The following MYO1H variants were observed in gnomAD, a reference collection of about 807,000 sequenced individuals.
MYO1H encodes the protein myosin IH.
MYO1H carries 118 observed loss-of-function variants against 149.3 expected under a neutral mutation model. The ratio of observed to expected loss-of-function variants is 0.79; its 90% CI spans 0.68 to 0.92. The LOEUF (loss-of-function observed/expected upper bound fraction) is 0.92. MYO1H is among the 40% of genes least tolerant of loss of function. The probability of loss-of-function intolerance (pLI) is 0.00; values close to 1 mark genes in which losing one functional copy is unlikely to be tolerated. For missense variants in MYO1H, 1,212 were observed against 1,280.7 expected (o/e 0.95, Z 0.82); for synonymous variants, 447 against 465.2 (o/e 0.96, Z 0.50).
chr12:109,410,486 T>C (rs1402663136), intron 12 of MYO1H, among the ~76,000 whole-genome samples: 1 of 152,242 alleles, frequency 6.6e-6, no homozygotes, highest in East Asian at 1.9e-4. Context: ...GAGATATTCC[T>C]GATTAGTACT....
At chr12:109,385,151 GA>G (rs1213327184) in intron 1 of MYO1H, among the ~76,000 whole-genome samples, 1 of 152,182 alleles carries the variant, frequency 6.6e-6, no homozygotes, top group Non-Finnish European at 1.5e-5. Context: ...ACTCTCCCAA[GA>G]TTATACTGCC....
chr12:109,435,171 T>TG, intron 21 of MYO1H, 58 bp downstream of exon 21: 3 of 1,211,594 alleles, frequency 2.5e-6, no homozygotes, highest in Non-Finnish European at 3.6e-6. Flanking sequence ...AAGTGGAGCT[T>TG]GGGGGTAAAT....
chr12:109,388,817 C>T (rs1215694252), exon 2 of MYO1H: 2 of 1,612,828 alleles, frequency 1.2e-6, no homozygotes, highest in Admixed American at 1.7e-5. Context: ...ACAACCTCCG[C>T]AAGCGTTTCA....
At chr12:109,397,613 C>A in intron 4 of MYO1H, 119 bp from the exon 5 acceptor site, 1 of 641,270 alleles carries the variant, frequency 1.6e-6, no homozygotes, top group Non-Finnish European at 2.5e-6. Context: ...GCATGCCTTT[C>A]CTCCCTGGCT....
chr12:109,361,632 C>T (rs927521759), intron 1 of MYO1H, among the ~76,000 whole-genome samples: 3 of 151,904 alleles, frequency 2.0e-5, no homozygotes, highest in African/African-American at 7.3e-5. Flanking sequence ...ATGGCAAAAC[C>T]CTGTCTCTAT....
At chr12:109,365,761 A>G (rs965821276) in intron 1 of MYO1H, among the ~76,000 whole-genome samples, 15 of 152,298 alleles carry the variant, frequency 9.8e-5, no homozygotes, top group Admixed American at 8.5e-4. Context: ...AGGCTGCATG[A>G]TGGAACGGGA....
At chr12:109,321,828 G>A in the MYO1H span, among the ~76,000 whole-genome samples, 1 of 152,230 alleles carries the variant, frequency 6.6e-6, no homozygotes, top group Admixed American at 6.5e-5. Context: ...AGGGAAAATT[G>A]TAATGCACTT....
chr12:109,432,816 C>A, intron 19 of MYO1H, 81 bp from the exon 20 acceptor site: 2 of 1,156,266 alleles, frequency 1.7e-6, no homozygotes, highest in Non-Finnish European at 2.6e-6. Context: ...CAGTGCTCAG[C>A]AGGCCTCTGG....
chr12:109,419,873 T>TA lies in MYO1H; in HGVS notation c.1598-1091dup, dbSNP rs10533849. ...ACCATGCTTGGCTGCTCCCCCAACT[T>TA]AAAAAAAAAAAAAAAAATCTGGTTT... On this transcript the variant is annotated intron_variant, in intron 15 of 31. Transcript: ENST00000310903. Among the ~76,000 whole-genome samples the TA allele has an allele frequency of 3.6e-3, 522 of 145,284 alleles. 7 individuals are homozygous for TA. The highest frequency in any genetic ancestry group is 9.9e-3 in the East Asian group (49 of 4,940).
the MYO1H span, among the ~76,000 whole-genome samples, chr12:109,335,433 C>A: frequency 6.6e-6 from 1 of 152,142 alleles, no homozygotes; most frequent in South Asian, 2.1e-4. Flanking sequence ...AACCATCTCC[C>A]ACCAGGCCCC....
intron 3 of MYO1H, 107 bp downstream of exon 3, chr12:109,393,553 A>G: frequency 1.5e-6 from 1 of 653,324 alleles, no homozygotes; most frequent in Non-Finnish European, 2.7e-6. Flanking sequence ...CCATCCATCC[A>G]TCCATCCATC....
At chr12:109,370,270 C>T (rs1006359793) in intron 1 of MYO1H, among the ~76,000 whole-genome samples, 2 of 152,206 alleles carry the variant, frequency 1.3e-5, no homozygotes, top group African/African-American at 4.8e-5. Flanking sequence ...ATGCGACCAG[C>T]TCAGCTCACC....
intron 5 of MYO1H, among the ~76,000 whole-genome samples, chr12:109,398,185 T>C (rs7978210): frequency 0.51 from 77,658 of 151,978 alleles, 20,779 homozygotes; most frequent in African/African-American, 0.66. Flanking sequence ...GTGCAACCAT[T>C]CCGCTCCCAG....
chr12:109,394,680 A>G (rs150029714), intron 3 of MYO1H, among the ~76,000 whole-genome samples: 9 of 151,098 alleles, frequency 6.0e-5, no homozygotes, highest in Admixed American at 5.3e-4. Context: ...CTTGACTTCT[A>G]GGCTAATATT....
chr12:109,316,613 A>ATTT, the MYO1H span, among the ~76,000 whole-genome samples: 5 of 152,258 alleles, frequency 3.3e-5, no homozygotes, highest in African/African-American at 4.8e-5. Flanking sequence ...GAAATTGCAG[A>ATTT]TTAATCCCAT....
chr12:109,439,322 G>A (rs573678389), intron 23 of MYO1H, among the ~76,000 whole-genome samples: 1 of 152,132 alleles, frequency 6.6e-6, no homozygotes, highest in East Asian at 1.9e-4. Flanking sequence ...CAAATGATCC[G>A]CCTGCCTCAG....
intron 1 of MYO1H, among the ~76,000 whole-genome samples, chr12:109,352,914 C>A (rs781782188): frequency 1.4e-5 from 2 of 140,760 alleles, no homozygotes; most frequent in African/African-American, 2.8e-5. Flanking sequence ...AAGGTATATA[C>A]CTGTGTGACC....
intron 1 of MYO1H, among the ~76,000 whole-genome samples, chr12:109,361,196 A>G (rs1868738247): frequency 6.6e-6 from 1 of 152,194 alleles, no homozygotes; most frequent in South Asian, 2.1e-4. Context: ...GACATAACCC[A>G]CACACTGAAA....
At chr12:109,412,297 A>G (rs988486064) in intron 14 of MYO1H, among the ~76,000 whole-genome samples, 5 of 152,150 alleles carry the variant, frequency 3.3e-5, no homozygotes, top group African/African-American at 1.2e-4. Flanking sequence ...AGCCAGGACT[A>G]CAAACATACA....
Sources: gnomAD v4.1 joint callset for allele counts (sites outside exome capture counted in the v4.1 genomes callset) on GRCh38, gnomAD v4.1.1 for gene constraint, MANE v1.5 for transcripts, NCBI Gene and HGNC (gene_info 2026-07-23, HGNC 2026-07-21) for gene names.